CEP164: variants seen among roughly 807,000 people sequenced by gnomAD.
CEP164 encodes centrosomal protein 164.
In CEP164, 162 loss-of-function variants were observed where a neutral mutation model predicts 182.7. The observed-to-expected ratio is 0.89, with a 90% CI of 0.78 to 1.01. The LOEUF is 1.01. Among genes scored for constraint, CEP164 ranks in the 50% least tolerant of loss-of-function variants. CEP164 has a pLI of 0.00. For synonymous variants in CEP164, 661 were observed against 690.0 expected (o/e 0.96, Z 0.66); for missense variants, 1,735 against 1,790.4 (o/e 0.97, Z 0.56).
At chr11:117,346,252 G>T (rs2038872652) in intron 4 of CEP164, among the ~76,000 whole-genome samples, 1 of 151,894 alleles carries the variant, frequency 6.6e-6, no homozygotes, top group Non-Finnish European at 1.5e-5. Context: ...TATCCTGTAA[G>T]GAGAGTGTGA....
chr11:117,407,810 T>G, intron 27 of CEP164, 115 bp from the exon 28 acceptor site: 2 of 655,874 alleles, frequency 3.0e-6, no homozygotes, highest in Non-Finnish European at 2.7e-6. Flanking sequence ...CTGTTCCAGA[T>G]GAGAAAGCAG....
rs565845914 is a variant in CEP164 at position 117,338,665 on chromosome 11, C to A, written c.79C>A (p.Gln27Lys). 6.2e-6 allele frequency: 10 copies of A among 1,610,286 alleles called. No homozygotes were observed. Among genetic ancestry groups the A allele is most frequent in the Non-Finnish European group, 8.5e-6 (10 of 1,176,642 alleles). The change falls in exon 3 of 33, where the codon CAA (glutamine) becomes AAA (lysine). Residue 27 changes from glutamine to lysine, a missense_variant. Coordinates refer to ENST00000278935, the MANE Select transcript of CEP164 (RefSeq NM_014956.5). The part of the protein sequence containing the change: ...DYDETYIPSE[Q>K]EILEFAREIG... ...TGATGAGACCTACATTCCTAGTGAGCAAGGTAACAAGTCTGTGAAGAGGCC... is the reference window on the plus strand; with the variant it reads ...TGATGAGACCTACATTCCTAGTGAGAAAGGTAACAAGTCTGTGAAGAGGCC...
intron 4 of CEP164, among the ~76,000 whole-genome samples, chr11:117,345,497 T>G (rs580119): frequency 0.25 from 38,636 of 152,080 alleles, 5,065 homozygotes; most frequent in Admixed American, 0.29. Context: ...AAACTGGTCC[T>G]CAGGTATCTT....
At chr11:117,328,201 T>A (rs1292388286) in intron 1 of CEP164, 1 of 152,190 alleles carries the variant, frequency 6.6e-6, no homozygotes, top group East Asian at 1.9e-4. Context: ...GGGCTGGGGG[T>A]CTGGCGGGTG....
At chr11:117,326,235 A>AT (rs1364259244), upstream of CEP164, among the ~76,000 whole-genome samples, 1 of 146,098 alleles carries the variant, frequency 6.8e-6, no homozygotes, top group East Asian at 2.1e-4. Flanking sequence ...TATTTTATTT[A>AT]TTTTTTTAGA....
rs924196786 is a variant in CEP164 at position 117,409,102 on chromosome 11, C to T, written c.3748+74C>T. The stretch of plus-strand genomic sequence containing the variant: ...AGGAACTTGGGGAATAGAAGAAGAG[C>T]TCTCTTCCCTCAGCCCTGCAGAGGG... On this transcript the variant is annotated intron_variant, in intron 29 of 32. Coordinates refer to ENST00000278935, the MANE Select transcript of CEP164 (RefSeq NM_014956.5). The surrounding 1 kb of genome is among the most constrained non-coding windows in gnomAD (Gnocchi z 4.4). 2 of 1,578,482 alleles carry T rather than the reference C, an allele frequency of 1.3e-6. No individual in the cohort carries two copies. The highest frequency in any genetic ancestry group is 3.4e-5 in the Admixed American group (2 of 58,086).
intron 5 of CEP164, among the ~76,000 whole-genome samples, chr11:117,360,245 A>G (rs900625164): frequency 2.0e-4 from 30 of 152,190 alleles, no homozygotes; most frequent in African/African-American, 7.2e-4. Context: ...CTATCTCACT[A>G]TAACCTTGAA....
At chr11:117,358,848 C>T (rs374069178) in intron 5 of CEP164, among the ~76,000 whole-genome samples, 2 of 152,152 alleles carry the variant, frequency 1.3e-5, no homozygotes, top group South Asian at 4.1e-4. Context: ...GCTCTTCTTT[C>T]TGCCACAGCC....
At position 117,352,041 on chromosome 11, in the gene CEP164, A is replaced by C; in HGVS notation, c.393+53A>C. The C allele has an allele frequency of 5.4e-6, 8 of 1,479,290 alleles. No homozygotes were observed. The South Asian group carries it at 9.9e-5, about 18-fold the overall frequency. The allele number at this position is 1,479,290 out of a possible 1,614,324, so 91.6% of individuals were successfully genotyped here. On this transcript the variant is annotated intron_variant, in intron 5 of 32. Coordinates refer to ENST00000278935, the MANE Select transcript of CEP164 (RefSeq NM_014956.5). ...GAGGCCAGGGCTGAAATCTGGAGGG[A>C]TGTTGGGAACCTCTAGGTGTCTGCA...
chr11:117,365,344 C>T (rs10892097), intron 8 of CEP164, among the ~76,000 whole-genome samples: 30,905 of 152,130 alleles, frequency 0.2, 3,211 homozygotes, highest in Admixed American at 0.25. Flanking sequence ...TGAGCCACCT[C>T]GGGACAGAGA....
chr11:117,357,484 C>T (rs992845881), intron 5 of CEP164, among the ~76,000 whole-genome samples: 1 of 147,946 alleles, frequency 6.8e-6, no homozygotes, highest in African/African-American at 2.5e-5. Context: ...TGCAATGGTG[C>T]CATCTCAGGT....
At chr11:117,345,927 T>C (rs528794378) in intron 4 of CEP164, among the ~76,000 whole-genome samples, 4 of 152,342 alleles carry the variant, frequency 2.6e-5, no homozygotes, top group East Asian at 1.9e-4. Context: ...CCTCAGGTTG[T>C]CCACCTGCCT....
At chr11:117,397,464 A>C in intron 27 of CEP164, 151 bp downstream of exon 27, 1 of 655,370 alleles carries the variant, frequency 1.5e-6, no homozygotes, top group Non-Finnish European at 2.6e-6. Flanking sequence ...TTTACTTGGC[A>C]ATGCATAGTA....
Position 117,404,831 on chromosome 11 carries a change from T to G in CEP164, c.3502-3094T>G, listed in dbSNP as rs563002751. On this transcript the variant is annotated intron_variant, in intron 27 of 32. Transcript: ENST00000278935. Reference sequence around the variant, plus strand: ...AAACCCCTGACTGGGGCTGCTGCCTTTCTTTCAGAGATGGCCTGACCACTG... The same window carrying G: ...AAACCCCTGACTGGGGCTGCTGCCTGTCTTTCAGAGATGGCCTGACCACTG... 5.3e-5 allele frequency among the ~76,000 whole-genome samples: 8 copies of G among 152,346 alleles called. No individual in the cohort carries two copies. The East Asian group carries it at 1.5e-3, about 29-fold the overall frequency.
chr11:117,356,392 T>G (rs1471926506), intron 5 of CEP164: 2 of 1,195,436 alleles, frequency 1.7e-6, no homozygotes, highest in African/African-American at 3.2e-5. Context: ...CTAGTGAGGG[T>G]GAGCACGAGG....
chr11:117,402,048 C>G (rs1208564629), intron 27 of CEP164, among the ~76,000 whole-genome samples: 1 of 152,070 alleles, frequency 6.6e-6, no homozygotes, highest in Non-Finnish European at 1.5e-5. Context: ...TTCTCTACTT[C>G]TTTTAATTGT....
In CEP164 at chr11:117,370,437, A is replaced by G. The variant is rs142374119; in HGVS notation, c.766-643A>G. On this transcript the variant is annotated intron_variant, in intron 8 of 32. Transcript: ENST00000278935. The stretch of plus-strand genomic sequence containing the variant: ...AGTCTGCAGTCTTCTGATGTGGCCA[A>G]TGGGGCTGGAGCAAGACAGATTTAT... Among the ~76,000 whole-genome samples the G allele has an allele frequency of 5.1e-3, 778 of 152,304 alleles. 6 individuals are homozygous for G. The highest frequency in any genetic ancestry group is 0.018 in the African/African-American group (729 of 41,568).
rs767190723 is a variant in CEP164 at position 117,391,162 on chromosome 11, AAGG to A, written c.2233_2235del (p.Glu745del). 9.9e-6 allele frequency: 16 copies of A among 1,613,334 alleles called. No individual in the cohort carries two copies. In the African/African-American group the frequency reaches 1.5e-4, roughly 15 times the overall value. On this transcript the variant is annotated inframe_deletion, in exon 17 of 33. Transcript: ENST00000278935. ...CGAGCAGGCTGCCCTGAATGCTGCAAAGGAGAAGGCTCTGCAGCAGCTGAGGGA... is the reference window on the plus strand; with the variant it reads ...CGAGCAGGCTGCCCTGAATGCTGCAAAGAAGGCTCTGCAGCAGCTGAGGGA...
chr11:117,400,971 C>A (rs919223560), intron 27 of CEP164, among the ~76,000 whole-genome samples: 10 of 152,064 alleles, frequency 6.6e-5, no homozygotes, highest in Non-Finnish European at 1.2e-4. Context: ...ATTTGAATAC[C>A]CTTTGTTTCT....
Sources: allele counts gnomAD v4.1 joint callset (sites outside exome capture counted in the v4.1 genomes callset), GRCh38; gene constraint gnomAD v4.1.1; non-coding constraint Gnocchi (gnomAD v3.1); transcripts MANE v1.5; gene names NCBI Gene and HGNC (gene_info 2026-07-23, HGNC 2026-07-21).